Variants in GRIA4 observed in about 807,000 individuals in gnomAD.
GRIA4 encodes glutamate receptor 4.
In GRIA4, 34 loss-of-function variants were observed where a neutral mutation model predicts 104.0. The ratio of observed to expected loss-of-function variants is 0.33; its 90% CI spans 0.25 to 0.44. GRIA4 has a LOEUF of 0.44. Among genes scored for constraint, GRIA4 ranks in the 20% least tolerant of loss-of-function variants. The pLI, the probability that GRIA4 is intolerant of heterozygous loss-of-function variation, is 1.00. For synonymous variants in GRIA4, 386 were observed against 381.9 expected (o/e 1.01, Z -0.13); for missense variants, 750 against 1,096.5 (o/e 0.68, Z 4.46).
intron 3 of GRIA4, among the ~76,000 whole-genome samples, chr11:105,732,455 C>A (rs1408596714): frequency 6.6e-6 from 1 of 152,106 alleles, no homozygotes; most frequent in Non-Finnish European, 1.5e-5. Flanking sequence ...ATGAAGATGC[C>A]TACAAGCCGT....
At chr11:105,909,681 A>T (rs1417331602) in intron 9 of GRIA4, among the ~76,000 whole-genome samples, 2 of 152,172 alleles carry the variant, frequency 1.3e-5, no homozygotes, top group Non-Finnish European at 2.9e-5. Context: ...AGCCATTATT[A>T]TTGCTTAATG....
At chr11:105,898,243 A>C in intron 6 of GRIA4, 26 bp from the exon 7 acceptor site, 2 of 1,240,570 alleles carry the variant, frequency 1.6e-6, no homozygotes, top group Middle Eastern at 2.0e-4. Context: ...ACTAAATTTA[A>C]CAATCTTTTG....
At chr11:105,649,765 T>C (rs185193425) in intron 3 of GRIA4, among the ~76,000 whole-genome samples, 1 of 152,206 alleles carries the variant, frequency 6.6e-6, no homozygotes, top group East Asian at 1.9e-4. Flanking sequence ...TTTTTAAATG[T>C]TTATAACCTT....
At chr11:105,810,961 C>A (rs961152670) in intron 4 of GRIA4, among the ~76,000 whole-genome samples, 1 of 152,090 alleles carries the variant, frequency 6.6e-6, no homozygotes, top group Non-Finnish European at 1.5e-5. Flanking sequence ...TTTATGGCTA[C>A]GATTTCTGAA....
intron 3 of GRIA4, among the ~76,000 whole-genome samples, chr11:105,621,072 A>C (rs1040097856): frequency 6.6e-6 from 1 of 151,834 alleles, no homozygotes; most frequent in African/African-American, 2.4e-5. Flanking sequence ...GTTAGAAATA[A>C]AAGATAAAAA....
At chr11:105,882,226 GA>G (rs1384186520) in intron 5 of GRIA4, among the ~76,000 whole-genome samples, 11 of 152,082 alleles carry the variant, frequency 7.2e-5, no homozygotes, top group African/African-American at 2.7e-4. Flanking sequence ...TCTGGAACAT[GA>G]AAACAACGGA....
At chr11:105,692,952 AAC>A (rs1440078533) in intron 3 of GRIA4, among the ~76,000 whole-genome samples, 3 of 152,194 alleles carry the variant, frequency 2.0e-5, no homozygotes, top group South Asian at 2.1e-4. Context: ...AAAAGAAAAA[AAC>A]ACACACGCTA....
chr11:105,815,598 A>G (rs984381995), intron 4 of GRIA4, among the ~76,000 whole-genome samples: 1 of 152,016 alleles, frequency 6.6e-6, no homozygotes, highest in Non-Finnish European at 1.5e-5. Flanking sequence ...TCCAGCTGTT[A>G]CTGCCGAAAG....
chr11:105,746,106 A>G (rs941897312), intron 3 of GRIA4, among the ~76,000 whole-genome samples: 2 of 151,934 alleles, frequency 1.3e-5, no homozygotes, highest in Non-Finnish European at 2.9e-5. Context: ...TAATAATTAT[A>G]TATGTGTGTT....
rs556807658 is a variant in GRIA4, at chr11:105,816,578, AATAAACGTCTTTTCTT to A, written c.488-45440_488-45425del. Reference sequence around the variant, plus strand: ...GTACAGCCTGCAGAACCATGAACCAAATAAACGTCTTTTCTTATAAATTACCCAGTCTCAGATATTT... The same window carrying A: ...GTACAGCCTGCAGAACCATGAACCAAATAAATTACCCAGTCTCAGATATTT... On this transcript the variant is annotated intron_variant, in intron 4 of 16. Coordinates refer to ENST00000282499, the MANE Select transcript of GRIA4 (RefSeq NM_000829.4). 3.5e-4 allele frequency among the ~76,000 whole-genome samples: 54 copies of A among 152,294 alleles called. No individual in the cohort carries two copies. The South Asian group carries it at 6.4e-3, about 18-fold the overall frequency.
chr11:105,822,669 G>C (rs1482411499), intron 4 of GRIA4, among the ~76,000 whole-genome samples: 1 of 152,072 alleles, frequency 6.6e-6, no homozygotes, highest in African/African-American at 2.4e-5. Flanking sequence ...TTAAAACAAA[G>C]TATGGTGAAT....
At chr11:105,849,926 T>C (rs1385246946) in intron 4 of GRIA4, among the ~76,000 whole-genome samples, 1 of 152,220 alleles carries the variant, frequency 6.6e-6, no homozygotes, top group East Asian at 1.9e-4. Flanking sequence ...TTTTCTGTGT[T>C]CTGTCACACT....
chr11:105,780,834 C>A (rs923899824), intron 4 of GRIA4, among the ~76,000 whole-genome samples: 1 of 152,302 alleles, frequency 6.6e-6, no homozygotes, highest in South Asian at 2.1e-4. Context: ...AACACGAACA[C>A]TTCTTGTCTG....
chr11:105,908,145 AG>A (rs1947110449), intron 9 of GRIA4, among the ~76,000 whole-genome samples: 1 of 152,216 alleles, frequency 6.6e-6, no homozygotes, highest in African/African-American at 2.4e-5. Flanking sequence ...TTCTAGGCCA[AG>A]ATCATCCTAA....
intron 3 of GRIA4, among the ~76,000 whole-genome samples, chr11:105,654,050 GA>G (rs1306935400): frequency 8.6e-6 from 1 of 115,662 alleles, no homozygotes; most frequent in Non-Finnish European, 1.9e-5. Context: ...GAAGAAGAAG[GA>G]AATGCTGTCA....
intron 4 of GRIA4, among the ~76,000 whole-genome samples, chr11:105,847,110 G>A (rs1368215147): frequency 2.0e-5 from 3 of 151,284 alleles, no homozygotes; most frequent in African/African-American, 2.4e-5. Flanking sequence ...TTTTGGCACC[G>A]GGGACCGGTT....
chr11:105,812,303 T>G (rs762057198), intron 4 of GRIA4, among the ~76,000 whole-genome samples: 7 of 152,148 alleles, frequency 4.6e-5, no homozygotes, highest in Non-Finnish European at 1.0e-4. Flanking sequence ...TTGGCTTTAT[T>G]TGATATGAAT....
intron 10 of GRIA4, among the ~76,000 whole-genome samples, chr11:105,913,855 A>T (rs1419681278): frequency 6.6e-6 from 1 of 152,104 alleles, no homozygotes; most frequent in Non-Finnish European, 1.5e-5. Flanking sequence ...TTTCCATAAA[A>T]CTAAATTTAT....
chr11:105,888,271 CT>C (rs71469040), intron 6 of GRIA4, among the ~76,000 whole-genome samples: 25 of 54,566 alleles, frequency 4.6e-4, no homozygotes, highest in African/African-American at 2.0e-3. Context: ...ATGTTTTCTC[CT>C]TTTTTTTTTT....
Sources: gnomAD v4.1 joint callset for allele counts (sites outside exome capture counted in the v4.1 genomes callset) on GRCh38, gnomAD v4.1.1 for gene constraint, MANE v1.5 for transcripts, NCBI Gene and HGNC (gene_info 2026-07-23, HGNC 2026-07-21) for gene names.